FLG: variants seen among roughly 807,000 people sequenced by gnomAD.
FLG encodes epidermal filaggrin.
A neutral mutation model predicts 3.8 loss-of-function variants in FLG; 6 were observed. That is an observed-to-expected ratio of 1.60 (90% CI 0.87 to 3.15). The LOEUF (loss-of-function observed/expected upper bound fraction) is 3.15. FLG is among the 30% of genes most tolerant of loss of function. FLG has a pLI of 0.00. For synonymous variants in FLG, 2,551 were observed against 1,931.6 expected (o/e 1.32, Z -8.41); for missense variants, 7,595 against 5,050.9 (o/e 1.50, Z -15.27).
In FLG at chr1:152,312,262, G is replaced by T; in HGVS notation, c.2624C>A (p.Thr875Lys). ...GHSGSHHSHT[T>K]SQGRSDASRG... is the part of the protein sequence containing the mutation. ...GGAGGCATCAGACCTTCCCTGGGAT[G>T]TGGTGTGGCTGTGATGGGACCCTGA... The change falls in exon 3 of 3, where the codon ACA becomes AAA. Residue 875 changes from threonine (T) to lysine (K), a missense_variant. Physicochemically the swap from Thr to Lys is moderately conservative, Grantham distance 78. Coordinates refer to ENST00000368799, the MANE Select transcript of FLG (RefSeq NM_002016.2). 6.2e-7 allele frequency: 1 copy of T among 1,613,920 alleles called. No individual in the cohort carries two copies. The highest frequency in any genetic ancestry group is 8.5e-7 in the Non-Finnish European group (1 of 1,179,984).
rs755882822 is a variant in FLG, at chr1:152,313,465, G to A, written c.1421C>T (p.Thr474Ile). The change falls in exon 3 of 3, where the codon ACT (threonine) becomes ATT (isoleucine). Residue 474 changes from threonine (T) to isoleucine (I), a missense_variant. By Grantham distance (89) the Thr-to-Ile change is moderately conservative. Coordinates refer to ENST00000368799, the MANE Select transcript of FLG (RefSeq NM_002016.2). ...RSGSSLYQVS[T>I]HEQPDSAHGR... ...ATGGGCAGAGTCAGGCTGTTCATGA[G>A]TGCTCACCTGGTAGAGGGAAGACCC... is the stretch of plus-strand genomic sequence containing the variant. 4.3e-6 allele frequency: 7 copies of A among 1,613,728 alleles called. No homozygotes were observed. The highest frequency in any genetic ancestry group is 5.9e-6 in the Non-Finnish European group (7 of 1,180,002).
rs759091378 is a variant in FLG at position 152,307,355 on chromosome 1, T to C, written c.7531A>G (p.Arg2511Gly). ...SDASHGHSGS[R>G]SASRQTRNDE... The stretch of plus-strand genomic sequence containing the variant: ...TTACGAGTTTGTCTGCTTGCACTTC[T>C]GGATCCTGAGTGCCCATGGGAGGCA... The change falls in exon 3 of 3, where the codon AGA (arginine) becomes GGA (glycine). Residue 2511 changes from arginine (R) to glycine (G), a missense_variant. Arg to Gly is a moderately radical substitution (Grantham distance 125). Transcript: ENST00000368799. 4.3e-6 allele frequency: 7 copies of C among 1,613,136 alleles called. No homozygotes were observed. Among genetic ancestry groups the C allele is most frequent in the South Asian group, 2.2e-5 (2 of 91,022 alleles).
chr1:152,313,210 T>G lies in FLG; in HGVS notation c.1676A>C (p.His559Pro), dbSNP rs546475787. Residue 559 changes from histidine to proline, a missense_variant, in exon 3 of 3, where the codon CAT becomes CCT. By Grantham distance (77) the His-to-Pro change is moderately conservative. Transcript: ENST00000368799. The stretch of plus-strand genomic sequence containing the variant: ...TGCACTTCTGGATCCTGACTGCCCA[T>G]GGGAGGCATCAGACCTTCCCTGGGA... ...TTSQGRSDAS[H>P]GQSGSRSASR... 1 of 1,613,762 alleles carries G rather than the reference T, an allele frequency of 6.2e-7. No individual in the cohort carries two copies. The highest frequency in any genetic ancestry group is 8.5e-7 in the Non-Finnish European group (1 of 1,179,970).
At position 152,308,682 on chromosome 1, in the gene FLG, A is replaced by T. The variant is rs199928720; in HGVS notation, c.6204T>A (p.His2068Gln). Residue 2068 changes from histidine (H) to glutamine (Q), a missense_variant, in exon 3 of 3, where the codon CAT becomes CAA. Physicochemically the swap from His to Gln is conservative, Grantham distance 24. Coordinates refer to ENST00000368799, the MANE Select transcript of FLG (RefSeq NM_002016.2). ...GTGCGGACTCTTTGTGGCTCTGCTG[A>T]TGGGGCCCAGCTTTTCCCTGTGCTG... is the stretch of plus-strand genomic sequence containing the variant. ...SVSAQGKAGP[H>Q]QQSHKESARG... 1,296 of 1,614,020 alleles carry T rather than the reference A, an allele frequency of 8.0e-4. 3 individuals are homozygous for T. Among genetic ancestry groups the T allele is most frequent in the Middle Eastern group, 1.6e-3 (10 of 6,062 alleles).
In FLG at chr1:152,311,120, G is replaced by T. The variant is rs751147313; in HGVS notation, c.3766C>A (p.Gln1256Lys). The change falls in exon 3 of 3, where the codon CAA becomes AAA. Residue 1256 changes from glutamine to lysine, a missense_variant. By Grantham distance (53) the Gln-to-Lys change is moderately conservative. Transcript: ENST00000368799. ...SSRHSQVGQE[Q>K]SSGSRTSRHQ... ...CTGCTTGTCCTGGACCCCGATGATTGTTCCTGTCCCACCTGTGAGTGTCTA... is the reference window on the plus strand; with the variant it reads ...CTGCTTGTCCTGGACCCCGATGATTTTTCCTGTCCCACCTGTGAGTGTCTA... 9.3e-6 allele frequency: 15 copies of T among 1,613,662 alleles called. No homozygotes were observed. The highest frequency in any genetic ancestry group is 1.1e-5 in the South Asian group (1 of 91,054).
rs777399507 is a variant in FLG at position 152,311,835 on chromosome 1, C to T, written c.3051G>A (p.Gln1017=). 6.2e-7 allele frequency: 1 copy of T among 1,614,016 alleles called. No homozygotes were observed. Among genetic ancestry groups the T allele is most frequent in the African/African-American group, 1.3e-5 (1 of 74,900 alleles). ...TPHAETSSGG[Q]AASSHEQARS... The stretch of plus-strand genomic sequence containing the variant: ...TTGCCTGTTCATGGGATGACGCAGC[C>T]TGTCCACCAGAGGAAGTCTCTGCGT... The change falls in exon 3 of 3, where the codon CAG becomes CAA. Residue 1017 remains glutamine, a synonymous_variant. Transcript: ENST00000368799.
In FLG at chr1:152,313,145, T is replaced by A. The variant is rs145627745; in HGVS notation, c.1741A>T (p.Thr581Ser). Reference sequence around the variant, plus strand: ...TGATGACGTGACCCTGAGTGCCTGGTGCCGTCTCCTGATTGTTCCTCATTT... The same window carrying A: ...TGATGACGTGACCCTGAGTGCCTGGAGCCGTCTCCTGATTGTTCCTCATTT... ...TRNEEQSGDG[T>S]RHSGSRHHEA... The change falls in exon 3 of 3, where the codon ACC (threonine) becomes TCC (serine). Residue 581 changes from threonine to serine, a missense_variant. Thr to Ser is a moderately conservative substitution (Grantham distance 58). Coordinates refer to ENST00000368799, the MANE Select transcript of FLG (RefSeq NM_002016.2). 18,822 of 1,613,812 alleles carry A rather than the reference T, an allele frequency of 0.012. 156 individuals are homozygous for A. The highest frequency in any genetic ancestry group is 0.014 in the Non-Finnish European group (16,827 of 1,179,976).
Position 152,308,039 on chromosome 1 carries a change from T to C in FLG, c.6847A>G (p.Arg2283Gly), listed in dbSNP as rs776201893. 2.5e-6 allele frequency: 4 copies of C among 1,614,058 alleles called. No individual in the cohort carries two copies. Among genetic ancestry groups the C allele is most frequent in the African/African-American group, 2.7e-5 (2 of 74,910 alleles). Residue 2283 changes from arginine to glycine, a missense_variant, in exon 3 of 3, where the codon AGG (arginine) becomes GGG (glycine). Arg to Gly is a moderately radical substitution (Grantham distance 125, BLOSUM62 -2). Transcript: ENST00000368799. ...CCGGCTCTGTCTTCGTGATGGGACC[T>C]GGGGTGTCTGGAGCCATCTCTTGAC... ...EQSRDGSRHPRSHHEDRAGHG... is the reference protein window; with the variant it reads ...EQSRDGSRHPGSHHEDRAGHG...
At chr1:152,315,948 T>C (rs1305766140) in intron 1 of FLG, among the ~76,000 whole-genome samples, 1 of 152,244 alleles carries the variant, frequency 6.6e-6, no homozygotes, top group Non-Finnish European at 1.5e-5. Flanking sequence ...GAAAGTTCAT[T>C]CAATTTTTTA....
At position 152,308,913 on chromosome 1, in the gene FLG, C is replaced by T. The variant is rs138652718; in HGVS notation, c.5973G>A (p.Ala1991=). 3.0e-4 allele frequency: 490 copies of T among 1,614,028 alleles called. 1 individual carries two copies. The African/African-American group carries it at 3.6e-3, about 12-fold the overall frequency. Residue 1991 remains alanine (A), a synonymous_variant, in exon 3 of 3, where the codon GCG becomes GCA. Coordinates refer to ENST00000368799, the MANE Select transcript of FLG (RefSeq NM_002016.2). ...HTESSSRGQA[A]SSHEQARSSA... ...TTGATCTTGCCTGTTCATGGGATGACGCAGCCTGTCCACGAGAGGAAGACT... is the reference window on the plus strand; with the variant it reads ...TTGATCTTGCCTGTTCATGGGATGATGCAGCCTGTCCACGAGAGGAAGACT...
Position 152,307,071 on chromosome 1 carries a change from G to A in FLG, c.7815C>T (p.His2605=), listed in dbSNP as rs771958453. The part of the protein sequence containing the change: ...AQEQLRDGSR[H]PRSHQEDRAG... The stretch of plus-strand genomic sequence containing the variant: ...CTCTGTCTTCTTGATGGGACCTGGG[G>A]TGTCTGGAGCCATCTCTTAGCTGCT... The change falls in exon 3 of 3, where the codon CAC becomes CAT. Residue 2605 remains histidine (H), a synonymous_variant. Coordinates refer to ENST00000368799, the MANE Select transcript of FLG (RefSeq NM_002016.2). 5.6e-6 allele frequency: 9 copies of A among 1,609,194 alleles called. No individual in the cohort carries two copies. In the Admixed American group the frequency reaches 1.0e-4, roughly 18 times the overall value.
rs1204102316 is a variant in FLG at position 152,312,267 on chromosome 1, G to T, written c.2619C>A (p.His873Gln). The change falls in exon 3 of 3, where the codon CAC becomes CAA. Residue 873 changes from histidine to glutamine, a missense_variant. His to Gln is a conservative substitution (Grantham distance 24). Transcript: ENST00000368799. ...CATCAGACCTTCCCTGGGATGTGGT[G>T]TGGCTGTGATGGGACCCTGAGTGTC... ...RSGHSGSHHS[H>Q]TTSQGRSDAS... 1 of 1,613,884 alleles carries T rather than the reference G, an allele frequency of 6.2e-7. No individual in the cohort carries two copies. Among genetic ancestry groups the T allele is most frequent in the East Asian group, 2.2e-5 (1 of 44,818 alleles).
Position 152,303,131 on chromosome 1 carries a change from G to A in FLG, c.11755C>T (p.Gln3919Ter), listed in dbSNP as rs1278739049. 1 of 1,614,216 alleles carries A rather than the reference G, an allele frequency of 6.2e-7. No homozygotes were observed. ...TASHVQSSPVQSDSSTAKEHG... is the reference protein window; with the variant it reads ...TASHVQSSPV ...TCCTTAGCGGTACTAGAGTCTGACT[G>A]TACAGGTGAAGACTGTACATGACTG... The change falls in exon 3 of 3, where the codon CAG becomes TAG. Residue 3919 changes from glutamine to a stop codon, truncating the protein, a stop_gained. Transcript: ENST00000368799. LOFTEE classifies it low-confidence loss of function (END_TRUNC).
Position 152,309,867 on chromosome 1 carries a change from T to G in FLG, c.5019A>C (p.Ala1673=). The change falls in exon 3 of 3, where the codon GCA becomes GCC. Residue 1673 remains alanine (A), a synonymous_variant. Coordinates refer to ENST00000368799, the MANE Select transcript of FLG (RefSeq NM_002016.2). ...GGQAASSQEQ[A]RSSPGERHGS... is the part of the protein sequence containing the mutation. ...CATGTCTTTCTCCTGGACTTGACCT[T>G]GCCTGTTCCTGGGATGATGCAGCCT... 1 of 1,613,990 alleles carries G rather than the reference T, an allele frequency of 6.2e-7. No homozygotes were observed.
Position 152,308,118 on chromosome 1 carries a change from A to T in FLG, c.6768T>A (p.Ser2256=). The change falls in exon 3 of 3, where the codon TCT becomes TCA. Residue 2256 remains serine, a synonymous_variant. Coordinates refer to ENST00000368799, the MANE Select transcript of FLG (RefSeq NM_002016.2). The part of the protein sequence containing the change: ...DSDSEGHSED[S]ERRSGSASRN... ...TGGACGCAGACCCAGACCGCCTCTC[A>T]GAATCTTCTGAGTGTCCCTCACTGT... The T allele has an allele frequency of 6.2e-7, 1 of 1,612,422 alleles. No individual in the cohort carries two copies. Among genetic ancestry groups the T allele is most frequent in the Non-Finnish European group, 8.5e-7 (1 of 1,179,556 alleles).
intron 1 of FLG, among the ~76,000 whole-genome samples, chr1:152,315,799 G>T (rs1233567254): frequency 2.6e-5 from 4 of 152,196 alleles, no homozygotes; most frequent in East Asian, 1.9e-4. Flanking sequence ...ATTTAGAAAG[G>T]CTGACTGGTT....
rs1425411066 is a variant in FLG, at chr1:152,308,610, G to C, written c.6276C>G (p.Tyr2092Ter). 1.2e-6 allele frequency: 2 copies of C among 1,614,102 alleles called. No homozygotes were observed. Among genetic ancestry groups the C allele is most frequent in the Non-Finnish European group, 1.7e-6 (2 of 1,179,996 alleles). The stretch of plus-strand genomic sequence containing the variant: ...CAGACTGTTCATGAGTGCTCACCTG[G>C]TAGAGGAAAGACCCTGAACGTCCAG... The part of the protein sequence containing the change: ...ESSGRSGSFL[Y>*]QVSTHEQSES... The change falls in exon 3 of 3, where the codon TAC becomes TAG. Residue 2092 changes from tyrosine (Y) to a stop codon, truncating the protein, a stop_gained. Transcript: ENST00000368799. LOFTEE classifies it low-confidence loss of function (END_TRUNC).
rs1651671338 is a variant in FLG at position 152,302,525 on chromosome 1, A to G, written c.*175T>C. 1 of 784,886 alleles carries G rather than the reference A, an allele frequency of 1.3e-6. No individual in the cohort carries two copies. Among genetic ancestry groups the G allele is most frequent in the African/African-American group, 1.7e-5 (1 of 57,154 alleles). 48.6% of individuals were successfully genotyped at this position (784,886 alleles called of 1,614,324 possible). A position where few individuals can be genotyped will look rare whatever the true frequency, so the allele number is the denominator to read the frequency against. On this transcript the variant is annotated 3_prime_UTR_variant, in exon 3 of 3. Transcript: ENST00000368799. ...TTAATATTTCTGAAATATAGCGTTT[A>G]AAGATCATTACACAATAAAAATAAG... is the stretch of plus-strand genomic sequence containing the variant.
chr1:152,309,193 G>C lies in FLG; in HGVS notation c.5693C>G (p.Ser1898Trp), dbSNP rs758337721. 2 of 1,613,500 alleles carry C rather than the reference G, an allele frequency of 1.2e-6. No homozygotes were observed. The highest frequency in any genetic ancestry group is 3.3e-5 in the Admixed American group (2 of 59,946). ...ASSRADSSRH[S>W]QVGQGQSSGP... ...TGATGATTGTCCCTGGCCCACCTGC[G>C]AGTGTCTAGAGCTGTCGGCCCGAGA... The change falls in exon 3 of 3, where the codon TCG becomes TGG. Residue 1898 changes from serine to tryptophan, a missense_variant. By Grantham distance (177) the Ser-to-Trp change is radical. Coordinates refer to ENST00000368799, the MANE Select transcript of FLG (RefSeq NM_002016.2).
Sources: allele counts gnomAD v4.1 joint callset (sites outside exome capture counted in the v4.1 genomes callset), GRCh38; gene constraint gnomAD v4.1.1; transcripts MANE v1.5; gene names NCBI Gene and HGNC (gene_info 2026-07-23, HGNC 2026-07-21).